ANKHD1: variants seen among roughly 807,000 people sequenced by gnomAD.
ANKHD1 encodes the protein ankyrin repeat and KH domain-containing protein 1.
ANKHD1 carries 31 observed loss-of-function variants against 230.5 expected under a neutral mutation model. That is an observed-to-expected ratio of 0.13 (90% CI 0.10 to 0.18). The LOEUF is 0.18. ANKHD1 is among the 10% of genes least tolerant of loss of function. The probability of loss-of-function intolerance (pLI) is 1.00; values close to 1 mark genes in which losing one functional copy is unlikely to be tolerated. For missense variants in ANKHD1, 2,256 were observed against 3,071.3 expected (o/e 0.73, Z 6.27); for synonymous variants, 1,074 against 1,117.6 (o/e 0.96, Z 0.78).
At chr5:140,496,053 G>T (rs971599426) in intron 14 of ANKHD1, among the ~76,000 whole-genome samples, 7 of 152,164 alleles carry the variant, frequency 4.6e-5, no homozygotes, top group Non-Finnish European at 2.9e-5. Context: ...CATTAACTCT[G>T]CATTGCTTGC....
intron 1 of ANKHD1, among the ~76,000 whole-genome samples, chr5:140,411,833 A>AT (rs933003874): frequency 7.8e-4 from 111 of 141,750 alleles, no homozygotes; most frequent in Admixed American, 7.2e-4. Flanking sequence ...CTTTTTTTAA[A>AT]TTTTTTTTTT....
intron 29 of ANKHD1, among the ~76,000 whole-genome samples, 166 bp from the exon 30 acceptor site, chr5:140,535,196 C>T (rs1754016906): frequency 6.6e-6 from 1 of 152,196 alleles, no homozygotes; most frequent in African/African-American, 2.4e-5. Flanking sequence ...TACAGTATCA[C>T]ATAGATGGAT....
chr5:140,516,857 G>A (rs867672004), intron 24 of ANKHD1, among the ~76,000 whole-genome samples: 93 of 151,786 alleles, frequency 6.1e-4, no homozygotes, highest in African/African-American at 2.9e-4. Context: ...AAAGACCATC[G>A]AGACTAGGAA....
At chr5:140,417,090 A>G (rs183474736) in intron 1 of ANKHD1, among the ~76,000 whole-genome samples, 8 of 152,288 alleles carry the variant, frequency 5.3e-5, no homozygotes, top group Admixed American at 2.6e-4. Flanking sequence ...CATTGAACCC[A>G]AAATAACATG....
rs34693244 is a variant in ANKHD1, at chr5:140,510,309, C to CTTTT, written c.4104+146_4104+149dup. On this transcript the variant is annotated intron_variant, in intron 22 of 33. Transcript: ENST00000360839. ...GAAAAATCACTGCTATCTTTCCATT[C>CTTTT]TTTTTTTTTTTTTTTTTTTTTGAGA... 1.6e-3 allele frequency: 872 copies of CTTTT among 539,116 alleles called. 7 individuals are homozygous for CTTTT. Among genetic ancestry groups the CTTTT allele is most frequent in the African/African-American group, 4.0e-3 (150 of 37,410 alleles). 33.4% of individuals were successfully genotyped at this position (539,116 alleles called of 1,614,324 possible).
chr5:140,428,668 A>G (rs1024344916), intron 1 of ANKHD1, among the ~76,000 whole-genome samples: 3 of 152,124 alleles, frequency 2.0e-5, no homozygotes, highest in African/African-American at 7.2e-5. Flanking sequence ...GGAGAGGGCG[A>G]GGGCGAGGGC....
At position 140,528,462 on chromosome 5, in the gene ANKHD1, T is replaced by C. The variant is rs1225136084; in HGVS notation, c.5516T>C (p.Val1839Ala). 6.2e-7 allele frequency: 1 copy of C among 1,614,070 alleles called. No individual in the cohort carries two copies. Among genetic ancestry groups the C allele is most frequent in the Non-Finnish European group, 8.5e-7 (1 of 1,180,044 alleles). Residue 1839 changes from valine to alanine, a missense_variant, in exon 29 of 34, where the codon GTA becomes GCA. This residue lies in a region of ANKHD1 where 778 missense variants were observed against 966.5 expected (regional missense o/e 0.80). Coordinates refer to ENST00000360839, the MANE Select transcript of ANKHD1 (RefSeq NM_017747.3). ...CTTAATAAGAATGTTCCAACAAATG[T>C]ACGTTCTTCTTTCCCAGTTTCTCTA... ...NKLNKNVPTN[V>A]RSSFPVSLPL...
chr5:140,452,129 C>T (rs1049486458), intron 7 of ANKHD1, among the ~76,000 whole-genome samples: 12 of 152,188 alleles, frequency 7.9e-5, no homozygotes, highest in Non-Finnish European at 1.2e-4. Flanking sequence ...ATTGCTAACA[C>T]AGCAGTCTGA....
At chr5:140,423,552 C>T (rs940643572) in intron 1 of ANKHD1, among the ~76,000 whole-genome samples, 2 of 152,190 alleles carry the variant, frequency 1.3e-5, no homozygotes, top group Non-Finnish European at 2.9e-5. Context: ...TCTGTAAACT[C>T]GCCAAGCCTG....
intron 1 of ANKHD1, among the ~76,000 whole-genome samples, chr5:140,410,373 CTATT>C (rs1415132611): frequency 6.6e-6 from 1 of 152,110 alleles, no homozygotes; most frequent in African/African-American, 2.4e-5. Context: ...CTTTCTGAGT[CTATT>C]TGTTAGTAGA....
rs70988767 is a variant in ANKHD1 at position 140,503,553 on chromosome 5, C to CTTTTTTTTT, written c.3005-1244_3005-1236dup. On this transcript the variant is annotated intron_variant, in intron 15 of 33. Transcript: ENST00000360839. ...AATTTCTTTTAACTCAGTTTTCTTT[C>CTTTTTTTTT]TTTTTTTTTTTTTTTTTTTTTTTTT... is the stretch of plus-strand genomic sequence containing the variant. Among the ~76,000 whole-genome samples the CTTTTTTTTT allele has an allele frequency of 3.8e-3, 193 of 51,412 alleles. 11 individuals are homozygous for CTTTTTTTTT. Among genetic ancestry groups the CTTTTTTTTT allele is most frequent in the Middle Eastern group, 0.026 (1 of 38 alleles). The allele number at this position is 51,412 out of a possible 152,430, so 33.7% of individuals were successfully genotyped here.
chr5:140,419,772 CTTTTTCTT>C (rs1771728057), intron 1 of ANKHD1, among the ~76,000 whole-genome samples: 1 of 136,788 alleles, frequency 7.3e-6, no homozygotes, highest in Non-Finnish European at 1.6e-5. Flanking sequence ...TCTTTCCTTT[CTTTTTCTT>C]TCTTTCTTTC....
chr5:140,440,924 AGTAT>A, intron 4 of ANKHD1, 67 bp from the exon 5 acceptor site: 1 of 1,391,158 alleles, frequency 7.2e-7, no homozygotes, highest in Non-Finnish European at 9.4e-7. Flanking sequence ...TCAGAGATTC[AGTAT>A]ATTCTCTAGA....
chr5:140,411,174 A>G (rs2126847590), intron 1 of ANKHD1, among the ~76,000 whole-genome samples: 1 of 152,332 alleles, frequency 6.6e-6, no homozygotes, highest in South Asian at 2.1e-4. Context: ...ATTTTGACAA[A>G]TACTCTTCCT....
At position 140,496,500 on chromosome 5, in the gene ANKHD1, A is replaced by G. The variant is rs754832105; in HGVS notation, c.2246-20A>G. The G allele has an allele frequency of 5.2e-6, 7 of 1,346,758 alleles. No individual in the cohort carries two copies. The highest frequency in any genetic ancestry group is 5.7e-6 in the Non-Finnish European group (6 of 1,044,030). 83.4% of individuals were successfully genotyped at this position (1,346,758 alleles called of 1,614,324 possible). A position where few individuals can be genotyped will look rare whatever the true frequency, so the allele number is the denominator to read the frequency against. On this transcript the variant is annotated intron_variant, in intron 14 of 33. Transcript: ENST00000360839. ...TTTTTTTTAGCATGGCACTCTTTCAAACATTTTTCATGTGCTTAGGTACAT... is the reference window on the plus strand; with the variant it reads ...TTTTTTTTAGCATGGCACTCTTTCAGACATTTTTCATGTGCTTAGGTACAT...
At chr5:140,439,087 A>G (rs1232424683) in intron 3 of ANKHD1, among the ~76,000 whole-genome samples, 2 of 152,098 alleles carry the variant, frequency 1.3e-5, no homozygotes, top group Non-Finnish European at 2.9e-5. Context: ...CTCCATATCT[A>G]CTGAATCAGA....
chr5:140,463,263 G>A (rs1775850402), intron 9 of ANKHD1, among the ~76,000 whole-genome samples: 1 of 152,042 alleles, frequency 6.6e-6, no homozygotes, highest in Non-Finnish European at 1.5e-5. Context: ...CAGAAGATGG[G>A]ACAGTTTGAA....
At chr5:140,514,597 T>C (rs1752910454) in intron 24 of ANKHD1, among the ~76,000 whole-genome samples, 1 of 152,196 alleles carries the variant, frequency 6.6e-6, no homozygotes. Context: ...TAAACCACCA[T>C]CAATTTTTTA....
intron 13 of ANKHD1, chr5:140,486,058 T>G (rs751643680): frequency 3.5e-5 from 9 of 256,274 alleles, no homozygotes; most frequent in African/African-American, 9.3e-5. Context: ...GAAAGCTTTT[T>G]CTTTTTTCTT....
Sources: gnomAD v4.1 joint callset for allele counts (sites outside exome capture counted in the v4.1 genomes callset) on GRCh38, gnomAD v4.1.1 for gene constraint, gnomAD v4.1.1 regional missense constraint, MANE v1.5 for transcripts, NCBI Gene and HGNC (gene_info 2026-07-23, HGNC 2026-07-21) for gene names.